Variants in MYO1B observed in about 807,000 individuals in gnomAD.
MYO1B encodes myosin IB, also known as unconventional myosin-Ib.
In MYO1B, 72 loss-of-function variants were observed where a neutral mutation model predicts 159.7. That is an observed-to-expected ratio of 0.45 (90% CI 0.37 to 0.55). MYO1B has a LOEUF of 0.55. Ranked by LOEUF, MYO1B falls within the 20% of genes least tolerant of loss-of-function variation. The pLI, the probability that MYO1B is intolerant of heterozygous loss-of-function variation, is 0.00. For missense variants in MYO1B, 1,062 were observed against 1,364.8 expected (o/e 0.78, Z 3.50); for synonymous variants, 468 against 473.8 (o/e 0.99, Z 0.16).
At chr2:191,384,951 T>G (rs1263743185) in intron 15 of MYO1B, among the ~76,000 whole-genome samples, 1 of 152,148 alleles carries the variant, frequency 6.6e-6, no homozygotes, top group Non-Finnish European at 1.5e-5. Context: ...AGTCCACGCT[T>G]CCCCAGGGTT....
chr2:191,381,194 C>G, intron 13 of MYO1B: 1 of 458,852 alleles, frequency 2.2e-6, no homozygotes, highest in South Asian at 2.2e-5. Context: ...TCTAGCTTTT[C>G]TGTTTGGGGT....
rs765326214 is a variant in MYO1B at position 191,329,985 on chromosome 2, A to G, written c.302A>G (p.Asp101Gly). 3.1e-6 allele frequency: 5 copies of G among 1,612,916 alleles called. No homozygotes were observed. The highest frequency in any genetic ancestry group is 1.1e-5 in the South Asian group (1 of 90,994). ...AGATCCCTACGAGATCAAGATAAGG[A>G]CCAATGTATTCTCATTACTGGGGAA... ...AYRSLRDQDK[D>G]QCILITGESG... Residue 101 changes from aspartate (D) to glycine (G), a missense_variant, in exon 4 of 31, where the codon GAC becomes GGC. Coordinates refer to ENST00000392318, the MANE Select transcript of MYO1B (RefSeq NM_001130158.3).
At chr2:191,336,766 G>A (rs531852407) in intron 4 of MYO1B, among the ~76,000 whole-genome samples, 7 of 152,268 alleles carry the variant, frequency 4.6e-5, no homozygotes, top group South Asian at 4.2e-4. Context: ...CACAAACATG[G>A]CCTCATTGAT....
chr2:191,274,131 A>G (rs1009359327), intron 1 of MYO1B, among the ~76,000 whole-genome samples: 13 of 152,248 alleles, frequency 8.5e-5, no homozygotes, highest in African/African-American at 3.1e-4. Context: ...TGCTAAAAAG[A>G]TAAACAAAAC....
At chr2:191,296,359 A>T in intron 3 of MYO1B, 133 bp downstream of exon 3, 1 of 363,836 alleles carries the variant, frequency 2.7e-6, no homozygotes, top group African/African-American at 2.2e-5. Context: ...TGATAAAAGT[A>T]TGAAGACTTT....
intron 1 of MYO1B, among the ~76,000 whole-genome samples, chr2:191,270,933 C>T (rs1559130055): frequency 6.6e-6 from 1 of 152,212 alleles, no homozygotes; most frequent in Non-Finnish European, 1.5e-5. Context: ...TCTGCTGTGA[C>T]CAAACCAAAG....
At position 191,362,287 on chromosome 2, in the gene MYO1B, G is replaced by A; in HGVS notation, c.681G>A (p.Arg227=). 6.2e-7 allele frequency: 1 copy of A among 1,613,648 alleles called. No individual in the cohort carries two copies. Among genetic ancestry groups the A allele is most frequent in the Admixed American group, 1.7e-5 (1 of 59,984 alleles). The change falls in exon 9 of 31, where the codon AGG becomes AGA. Residue 227 remains arginine, a synonymous_variant. Transcript: ENST00000392318. ...EELLNKLKLE[R]DFSRYNYLSL... is the part of the protein sequence containing the mutation. ...CAATAGATAAACTTAAGCTTGAGAG[G>A]GATTTCAGCAGGTATAACTACCTGA... is the stretch of plus-strand genomic sequence containing the variant.
At chr2:191,312,526 A>C (rs953169828) in intron 3 of MYO1B, among the ~76,000 whole-genome samples, 4 of 152,192 alleles carry the variant, frequency 2.6e-5, no homozygotes, top group Non-Finnish European at 4.4e-5. Context: ...TATTTATCTT[A>C]TGTATCTCAT....
intron 4 of MYO1B, among the ~76,000 whole-genome samples, chr2:191,337,048 G>GA (rs901930556): frequency 6.6e-6 from 1 of 152,064 alleles, no homozygotes; most frequent in Admixed American, 6.6e-5. Flanking sequence ...GAAGCTCTGT[G>GA]AAAAAAGTGC....
At chr2:191,417,384 G>C (rs900275119) in intron 30 of MYO1B, among the ~76,000 whole-genome samples, 1 of 152,134 alleles carries the variant, frequency 6.6e-6, no homozygotes, top group Non-Finnish European at 1.5e-5. Context: ...ATAATGGTTG[G>C]TGTGTTTCAG....
intron 2 of MYO1B, among the ~76,000 whole-genome samples, chr2:191,277,789 CAG>C (rs1245542686): frequency 1.3e-5 from 2 of 152,240 alleles, no homozygotes; most frequent in East Asian, 1.9e-4. Flanking sequence ...GAGAAGGAAA[CAG>C]AATGTTTTGG....
At chr2:191,399,784 G>T (rs1333616906) in intron 21 of MYO1B, among the ~76,000 whole-genome samples, 1 of 152,142 alleles carries the variant, frequency 6.6e-6, no homozygotes, top group Non-Finnish European at 1.5e-5. Flanking sequence ...ACTGCTGCCT[G>T]CAGGCTCTTC....
chr2:191,252,781 T>C (rs754087887), intron 1 of MYO1B, among the ~76,000 whole-genome samples: 3 of 152,196 alleles, frequency 2.0e-5, no homozygotes, highest in Non-Finnish European at 4.4e-5. Flanking sequence ...TATTACCTCT[T>C]ACCTAATACT....
chr2:191,301,338 AT>A (rs368046740), intron 3 of MYO1B, among the ~76,000 whole-genome samples: 1 of 152,340 alleles, frequency 6.6e-6, no homozygotes, highest in African/African-American at 2.4e-5. Context: ...AACAGCATTG[AT>A]AAGGAAAGGC....
chr2:191,264,150 C>T (rs994977525), intron 1 of MYO1B, among the ~76,000 whole-genome samples: 1 of 152,138 alleles, frequency 6.6e-6, no homozygotes, highest in African/African-American at 2.4e-5. Flanking sequence ...TAACCCACTG[C>T]AGCAGTTTAG....
chr2:191,388,656 A>C (rs1404428377), intron 17 of MYO1B, among the ~76,000 whole-genome samples: 1 of 152,172 alleles, frequency 6.6e-6, no homozygotes, highest in African/African-American at 2.4e-5. Context: ...AAAAAAACCC[A>C]AGAAACTTTC....
At chr2:191,383,799 G>T (rs930019931) in intron 15 of MYO1B, among the ~76,000 whole-genome samples, 3 of 151,832 alleles carry the variant, frequency 2.0e-5, no homozygotes, top group Admixed American at 1.3e-4. Flanking sequence ...ATCAGAGTAG[G>T]CTCTGAGCAG....
At chr2:191,252,652 G>C (rs1173848026) in intron 1 of MYO1B, among the ~76,000 whole-genome samples, 4 of 152,172 alleles carry the variant, frequency 2.6e-5, no homozygotes, top group Admixed American at 2.0e-4. Context: ...CTTGAGACCT[G>C]CTCAGCTCCT....
intron 1 of MYO1B, chr2:191,247,853 A>T (rs935695539): frequency 1.1e-6 from 1 of 882,114 alleles, no homozygotes; most frequent in African/African-American, 1.8e-5. Flanking sequence ...TGGATGCCTG[A>T]TTGTGTGATA....
Sources: allele counts gnomAD v4.1 joint callset (sites outside exome capture counted in the v4.1 genomes callset), GRCh38; gene constraint gnomAD v4.1.1; transcripts MANE v1.5; gene names NCBI Gene and HGNC (gene_info 2026-07-23, HGNC 2026-07-21).